Variants in GLIS1 observed in about 807,000 individuals in gnomAD.
GLIS1 encodes zinc finger protein GLIS1.
In GLIS1, 24 loss-of-function variants were observed where a neutral mutation model predicts 63.8. The observed-to-expected ratio is 0.38, with a 90% CI of 0.27 to 0.53. The LOEUF (loss-of-function observed/expected upper bound fraction) is 0.53. Ranked by LOEUF, GLIS1 falls within the 20% of genes least tolerant of loss-of-function variation. The pLI is 0.85. For missense variants in GLIS1, 1,036 were observed against 1,074.1 expected (o/e 0.96, Z 0.50); for synonymous variants, 450 against 482.5 (o/e 0.93, Z 0.88).
intron 2 of GLIS1, among the ~76,000 whole-genome samples, chr1:53,703,086 A>T (rs1316465583): frequency 6.6e-6 from 1 of 152,200 alleles, no homozygotes; most frequent in South Asian, 2.1e-4. Flanking sequence ...CCTCTGCTAC[A>T]TTAAATGTAA....
At chr1:53,652,800 C>T (rs1429940635) in intron 2 of GLIS1, among the ~76,000 whole-genome samples, 3 of 152,152 alleles carry the variant, frequency 2.0e-5, no homozygotes, top group Non-Finnish European at 4.4e-5. Context: ...CCTAGGATGA[C>T]ATGAGGACCA....
chr1:53,701,058 T>C (rs1187606196), intron 2 of GLIS1, among the ~76,000 whole-genome samples: 1 of 152,248 alleles, frequency 6.6e-6, no homozygotes, highest in Admixed American at 6.5e-5. Context: ...TTTTTGGCTA[T>C]GATGAATAAT....
chr1:53,525,791 C>T (rs970074646), intron 5 of GLIS1, among the ~76,000 whole-genome samples: 1 of 152,068 alleles, frequency 6.6e-6, no homozygotes, highest in African/African-American at 2.4e-5. Flanking sequence ...CCTCAGCTCT[C>T]CCGCAGCCAC....
chr1:53,683,552 C>G (rs182300281), intron 2 of GLIS1, among the ~76,000 whole-genome samples: 1 of 152,150 alleles, frequency 6.6e-6, no homozygotes, highest in Admixed American at 6.5e-5. Context: ...GTGGATCACA[C>G]GAGATCATCC....
At chr1:53,592,502 G>A (rs1645201955) in intron 4 of GLIS1, among the ~76,000 whole-genome samples, 1 of 152,170 alleles carries the variant, frequency 6.6e-6, no homozygotes, top group Admixed American at 6.5e-5. Flanking sequence ...CAGCTCCAGG[G>A]TCTCGGGGAG....
intron 4 of GLIS1, among the ~76,000 whole-genome samples, chr1:53,582,554 C>T (rs951258269): frequency 1.3e-5 from 2 of 152,142 alleles, no homozygotes; most frequent in Non-Finnish European, 2.9e-5. Flanking sequence ...TTGGGAGGGG[C>T]ATCAGAGGAG....
Position 53,574,815 on chromosome 1 carries a change from G to A in GLIS1, c.1320+19293C>T, listed in dbSNP as rs1645015877. Among the ~76,000 whole-genome samples, 2 of 152,230 alleles carry A rather than the reference G, an allele frequency of 1.3e-5. No individual in the cohort carries two copies. Among genetic ancestry groups the A allele is most frequent in the African/African-American group, 2.4e-5 (1 of 41,454 alleles). On this transcript the variant is annotated intron_variant, in intron 4 of 10. Transcript: ENST00000628545. The surrounding 1 kb of genome is among the most constrained non-coding windows in gnomAD (Gnocchi z 4.2). ...GTGAATGTGGTAAAAAGCTGGGGCA[G>A]GAGGGCTGAGTTTAGTCAAGGTTTG... is the stretch of plus-strand genomic sequence containing the variant.
intron 2 of GLIS1, among the ~76,000 whole-genome samples, chr1:53,666,713 GA>G (rs1398886849): frequency 3.3e-5 from 5 of 152,260 alleles, no homozygotes; most frequent in Admixed American, 1.3e-4. Context: ...CTGGATGGCA[GA>G]AATAATCCCA....
intron 2 of GLIS1, among the ~76,000 whole-genome samples, chr1:53,633,501 G>T (rs888270015): frequency 6.6e-6 from 1 of 151,504 alleles, no homozygotes; most frequent in African/African-American, 2.4e-5. Context: ...GTGGCTGAGG[G>T]GTGTGAATGA....
chr1:53,520,403 G>C (rs1423543305), intron 7 of GLIS1, among the ~76,000 whole-genome samples: 3 of 152,272 alleles, frequency 2.0e-5, no homozygotes, highest in African/African-American at 7.2e-5. Context: ...TGAGCAATGG[G>C]GAGCCACAGA....
At chr1:53,730,138 A>C (rs1404586933) in intron 2 of GLIS1, among the ~76,000 whole-genome samples, 2 of 152,174 alleles carry the variant, frequency 1.3e-5, no homozygotes, top group African/African-American at 4.8e-5. Flanking sequence ...GCGGAGGCCT[A>C]TTCTCAGGCT....
In GLIS1 at chr1:53,700,481, C is replaced by CAAATGCATGGCCTCTGCTCGTGT. The variant is rs980827555; in HGVS notation, c.259+37302_259+37324dup. Among the ~76,000 whole-genome samples, 3 of 152,104 alleles carry CAAATGCATGGCCTCTGCTCGTGT rather than the reference C, an allele frequency of 2.0e-5. No homozygotes were observed. In the East Asian group the frequency reaches 5.8e-4, roughly 29 times the overall value. ...AAGGAAGGATGGAGGGTAACATGAA[C>CAAATGCATGGCCTCTGCTCGTGT]AAATGCATGGCCTCTGCTCGTGTAA... On this transcript the variant is annotated intron_variant, in intron 2 of 10. Coordinates refer to ENST00000628545, the MANE Select transcript of GLIS1 (RefSeq NM_001367484.1).
intron 4 of GLIS1, among the ~76,000 whole-genome samples, chr1:53,552,810 G>A (rs11206172): frequency 0.18 from 27,073 of 152,146 alleles, 2,975 homozygotes; most frequent in East Asian, 0.52. Context: ...TTTTGTCATC[G>A]GCCCTGGAAG....
At position 53,639,665 on chromosome 1, in the gene GLIS1, G is replaced by A. The variant is rs1172355609; in HGVS notation, c.260-39387C>T. 1.3e-5 allele frequency among the ~76,000 whole-genome samples: 2 copies of A among 151,768 alleles called. No individual in the cohort carries two copies. Among genetic ancestry groups the A allele is most frequent in the Non-Finnish European group, 2.9e-5 (2 of 67,938 alleles). On this transcript the variant is annotated intron_variant, in intron 2 of 10. Coordinates refer to ENST00000628545, the MANE Select transcript of GLIS1 (RefSeq NM_001367484.1). The surrounding 1 kb of genome is among the most constrained non-coding windows in gnomAD (Gnocchi z 4.6). ...GGGTGGGGCTTTTTTTTTCCAGCCC[G>A]CTATCCTGGGCCGACAGCATACTCA...
At chr1:53,703,933 G>A (rs1469687464) in intron 2 of GLIS1, among the ~76,000 whole-genome samples, 1 of 152,152 alleles carries the variant, frequency 6.6e-6, no homozygotes, top group Non-Finnish European at 1.5e-5. Flanking sequence ...CAAGACACAG[G>A]GCAGGGGGAA....
intron 4 of GLIS1, among the ~76,000 whole-genome samples, chr1:53,564,429 T>C (rs992985764): frequency 4.0e-5 from 6 of 151,494 alleles, no homozygotes; most frequent in African/African-American, 1.5e-4. Context: ...AAAGGAAGCA[T>C]AGGAAAAAGC....
At chr1:53,523,288 T>G (rs1361076072) in intron 6 of GLIS1, among the ~76,000 whole-genome samples, 1 of 151,904 alleles carries the variant, frequency 6.6e-6, no homozygotes, top group Non-Finnish European at 1.5e-5. Context: ...CTTCCAATGC[T>G]CCCCACTGCC....
rs569274621 is a variant in GLIS1, at chr1:53,543,765, C to T, written c.1321-13813G>A. On this transcript the variant is annotated intron_variant, in intron 4 of 10. Coordinates refer to ENST00000628545, the MANE Select transcript of GLIS1 (RefSeq NM_001367484.1). ...GAAGGGTGTGGGGGAGGTGACCCAC[C>T]CCTCACCTGCATCTCGGATGTCCCA... 3.3e-3 allele frequency among the ~76,000 whole-genome samples: 508 copies of T among 152,034 alleles called. 4 individuals carry two copies. Among genetic ancestry groups the T allele is most frequent in the African/African-American group, 0.012 (494 of 41,466 alleles).
rs1402530237 is a variant in GLIS1 at position 53,507,860 on chromosome 1, G to C, written c.2231-1084C>G. ...TGAGAAATCCCATGTGGGCTGGATG[G>C]GGGTGGGGAGGACAAGATGGGGAGA... On this transcript the variant is annotated intron_variant, in intron 10 of 10. Coordinates refer to ENST00000628545, the MANE Select transcript of GLIS1 (RefSeq NM_001367484.1). Among the ~76,000 whole-genome samples, 3 of 152,172 alleles carry C rather than the reference G, an allele frequency of 2.0e-5. No individual in the cohort carries two copies. The East Asian group carries it at 5.8e-4, about 29-fold the overall frequency.
Sources: gnomAD v4.1 joint callset for allele counts (sites outside exome capture counted in the v4.1 genomes callset) on GRCh38, gnomAD v4.1.1 for gene constraint, Gnocchi (gnomAD v3.1) non-coding constraint, MANE v1.5 for transcripts, NCBI Gene and HGNC (gene_info 2026-07-23, HGNC 2026-07-21) for gene names.